Variants in USP15 observed in about 807,000 individuals in gnomAD.
The protein encoded by USP15 is ubiquitin carboxyl-terminal hydrolase 15.
Under a neutral mutation model 127.1 loss-of-function variants are expected in USP15, and 18 were observed. That is an observed-to-expected ratio of 0.14 (90% CI 0.10 to 0.21). The LOEUF is 0.21. Ranked by LOEUF, USP15 falls within the 10% of genes least tolerant of loss-of-function variation. The probability of loss-of-function intolerance (pLI) is 1.00; values close to 1 mark genes in which losing one functional copy is unlikely to be tolerated. For synonymous variants in USP15, 364 were observed against 393.7 expected (o/e 0.92, Z 0.89); for missense variants, 805 against 1,159.9 (o/e 0.69, Z 4.44).
At chr12:62,328,923 T>G (rs1286240857) in intron 6 of USP15, among the ~76,000 whole-genome samples, 1 of 152,166 alleles carries the variant, frequency 6.6e-6, no homozygotes, top group East Asian at 1.9e-4. Context: ...GTGAGGTTGC[T>G]TAAAGAAGAT....
intron 2 of USP15, among the ~76,000 whole-genome samples, chr12:62,298,830 C>CAA (rs1163091790): frequency 2.8e-3 from 185 of 64,932 alleles, no homozygotes; most frequent in African/African-American, 4.3e-3. Context: ...CCCTGTCTTG[C>CAA]AAAAAAAAAA....
chr12:62,336,039 C>T lies in USP15; in HGVS notation c.683+10106C>T, dbSNP rs533010021. On this transcript the variant is annotated intron_variant, in intron 6 of 21. Coordinates refer to ENST00000280377, the MANE Select transcript of USP15 (RefSeq NM_001252078.2). ...ATCATATGTAGTCTATGTGATAGGC[C>T]CTCCTTGGCACGGTGCAGTGCAGCT... 1.3e-4 allele frequency: 127 copies of T among 984,412 alleles called. No individual in the cohort carries two copies. In the African/African-American group the frequency reaches 2.0e-3, roughly 16 times the overall value. The allele number at this position is 984,412 out of a possible 1,614,324, so 61.0% of individuals were successfully genotyped here.
rs556025281 is a variant in USP15, at chr12:62,394,634, G to A, written c.2570+1432G>A. Among the ~76,000 whole-genome samples, 175 of 152,244 alleles carry A rather than the reference G, an allele frequency of 1.1e-3. 1 individual carries two copies. Among genetic ancestry groups the A allele is most frequent in the Middle Eastern group, 6.8e-3 (2 of 294 alleles). ...GGAGGCCGAGGTGGGTGGATCACAA[G>A]GTCAGGAGAGCAAGACTATCCTAGC... On this transcript the variant is annotated intron_variant, in intron 19 of 21. Transcript: ENST00000280377.
intron 1 of USP15, among the ~76,000 whole-genome samples, chr12:62,269,378 A>C (rs1454302879): frequency 6.6e-6 from 1 of 151,992 alleles, no homozygotes; most frequent in African/African-American, 2.4e-5. Context: ...GTATATATAT[A>C]TATCTAAACA....
Position 62,404,872 on chromosome 12 carries a change from C to T in USP15, c.*497C>T, listed in dbSNP as rs1358559931. ...GCATAAATACTGCGGCAGCATTCTT[C>T]GAAAACCGCATTTTCAAATTTATCC... is the stretch of plus-strand genomic sequence containing the variant. On this transcript the variant is annotated 3_prime_UTR_variant, in exon 22 of 22. Transcript: ENST00000280377. 1.3e-5 allele frequency: 2 copies of T among 152,098 alleles called. No individual in the cohort carries two copies. Among genetic ancestry groups the T allele is most frequent in the African/African-American group, 4.8e-5 (2 of 41,412 alleles). The allele number at this position is 152,098 out of a possible 1,614,324, so 9.4% of individuals were successfully genotyped here. A position where few individuals can be genotyped will look rare whatever the true frequency, so the allele number is the denominator to read the frequency against.
intron 8 of USP15, among the ~76,000 whole-genome samples, chr12:62,369,630 C>T (rs190154093): frequency 2.0e-5 from 3 of 152,180 alleles, no homozygotes; most frequent in Non-Finnish European, 2.9e-5. Context: ...TGGTGTATAC[C>T]ACATAATGCT....
intron 11 of USP15, among the ~76,000 whole-genome samples, chr12:62,388,657 G>A (rs2067230517): frequency 6.6e-6 from 1 of 152,182 alleles, no homozygotes; most frequent in Non-Finnish European, 1.5e-5. Flanking sequence ...AGACATTAAA[G>A]GTTCGTGATA....
intron 3 of USP15, among the ~76,000 whole-genome samples, chr12:62,310,893 G>A: frequency 6.6e-6 from 1 of 151,910 alleles, no homozygotes; most frequent in Non-Finnish European, 1.5e-5. Context: ...AACATCTGTT[G>A]TCTTTTGTCT....
intron 8 of USP15, among the ~76,000 whole-genome samples, chr12:62,366,010 T>C (rs1394406524): frequency 6.6e-6 from 1 of 152,220 alleles, no homozygotes; most frequent in Non-Finnish European, 1.5e-5. Flanking sequence ...TTGTTCTCTT[T>C]GCTTAGGATT....
At chr12:62,357,541 T>G (rs539859002) in intron 8 of USP15, among the ~76,000 whole-genome samples, 109 of 152,230 alleles carry the variant, frequency 7.2e-4, no homozygotes, top group African/African-American at 2.6e-3. Context: ...TGGTTTATAA[T>G]TTTATGGTAA....
rs534854572 is a variant in USP15 at position 62,264,581 on chromosome 12, A to G, written c.89+4078A>G. 1.8e-4 allele frequency among the ~76,000 whole-genome samples: 27 copies of G among 152,356 alleles called. 1 individual carries two copies. The South Asian group carries it at 5.2e-3, about 29-fold the overall frequency. ...AAATCTCTGTGACATTTTCATTTCA[A>G]TAATTGCCAAAGAATCTGATCAGTG... On this transcript the variant is annotated intron_variant, in intron 1 of 21. Coordinates refer to ENST00000280377, the MANE Select transcript of USP15 (RefSeq NM_001252078.2).
At chr12:62,289,182 T>C (rs1029393050) in intron 1 of USP15, among the ~76,000 whole-genome samples, 8 of 152,058 alleles carry the variant, frequency 5.3e-5, no homozygotes, top group Non-Finnish European at 8.8e-5. Context: ...GTATGTCTGG[T>C]AGTATTCAGC....
At chr12:62,403,350 A>G (rs1278511823) in intron 21 of USP15, among the ~76,000 whole-genome samples, 4 of 152,100 alleles carry the variant, frequency 2.6e-5, no homozygotes, top group East Asian at 1.9e-4. Context: ...GAAGAAACCA[A>G]AGAGATAGTA....
chr12:62,380,743 C>T (rs2066968287), intron 8 of USP15, among the ~76,000 whole-genome samples: 1 of 151,982 alleles, frequency 6.6e-6, no homozygotes, highest in Non-Finnish European at 1.5e-5. Flanking sequence ...GGATCATCAC[C>T]TTAAAATTAT....
At chr12:62,339,028 G>A (rs909808079) in intron 6 of USP15, among the ~76,000 whole-genome samples, 1 of 152,022 alleles carries the variant, frequency 6.6e-6, no homozygotes, top group Admixed American at 6.6e-5. Context: ...CAATTCAATG[G>A]GGATAGCATT....
At chr12:62,308,477 A>G (rs1028053911) in intron 3 of USP15, among the ~76,000 whole-genome samples, 2 of 151,976 alleles carry the variant, frequency 1.3e-5, no homozygotes, top group African/African-American at 2.4e-5. Flanking sequence ...CTGTACTTCT[A>G]TTGGGAGTGC....
Position 62,282,806 on chromosome 12 carries a change from G to T in USP15, c.90-11373G>T, listed in dbSNP as rs1234770285. The stretch of plus-strand genomic sequence containing the variant: ...GCAGAAAGTGAAACTGCAGATAAAA[G>T]GAGGCTACTGTATAACTGTAAAGGA... On this transcript the variant is annotated intron_variant, in intron 1 of 21. Coordinates refer to ENST00000280377, the MANE Select transcript of USP15 (RefSeq NM_001252078.2). 2.0e-5 allele frequency among the ~76,000 whole-genome samples: 3 copies of T among 152,134 alleles called. No individual in the cohort carries two copies. The South Asian group carries it at 6.2e-4, about 31-fold the overall frequency.
chr12:62,415,476 C>A lies in USP15; in HGVS notation c.*11101C>A, dbSNP rs1286715343. The stretch of plus-strand genomic sequence containing the variant: ...TGGCCCAGTCAACACATTAAATAAA[C>A]CATCACATCCCTTCATGTAGAAAAG... On this transcript the variant is annotated 3_prime_UTR_variant, in exon 22 of 22. Transcript: ENST00000280377. The A allele has an allele frequency of 2.6e-5, 4 of 152,200 alleles. No individual in the cohort carries two copies. Among genetic ancestry groups the A allele is most frequent in the African/African-American group, 7.2e-5 (3 of 41,438 alleles). The allele number at this position is 152,200 out of a possible 1,614,324, so 9.4% of individuals were successfully genotyped here.
rs560470322 is a variant in USP15, at chr12:62,276,507, T to G, written c.89+16004T>G. ...TTTGCTTATATTATCTTCCAAGATA[T>G]AAAGGGTAATAATCTGTCCTTTATG... On this transcript the variant is annotated intron_variant, in intron 1 of 21. Transcript: ENST00000280377. 9.2e-4 allele frequency among the ~76,000 whole-genome samples: 140 copies of G among 152,176 alleles called. 1 individual carries two copies. The highest frequency in any genetic ancestry group is 3.2e-3 in the African/African-American group (133 of 41,562).
Sources: gnomAD v4.1 joint callset for allele counts (sites outside exome capture counted in the v4.1 genomes callset) on GRCh38, gnomAD v4.1.1 for gene constraint, MANE v1.5 for transcripts, NCBI Gene and HGNC (gene_info 2026-07-23, HGNC 2026-07-21) for gene names.